Variants in PTPRF observed in about 807,000 individuals in gnomAD.
PTPRF encodes the protein receptor-type tyrosine-protein phosphatase F.
In PTPRF, 59 loss-of-function variants were observed where a neutral mutation model predicts 201.8. That is an observed-to-expected ratio of 0.29 (90% CI 0.24 to 0.36). The LOEUF is 0.36. Among genes scored for constraint, PTPRF ranks in the 10% least tolerant of loss-of-function variants. PTPRF has a pLI of 1.00. For missense variants in PTPRF, 2,132 were observed against 2,690.5 expected (o/e 0.79, Z 4.59); for synonymous variants, 1,088 against 1,089.7 (o/e 1.00, Z 0.03).
chr1:43,558,327 C>A (rs750258945), intron 5 of PTPRF, among the ~76,000 whole-genome samples: 1 of 152,148 alleles, frequency 6.6e-6, no homozygotes, highest in Non-Finnish European at 1.5e-5. Flanking sequence ...CTGCCTTTGC[C>A]TCATGTCACA....
At chr1:43,532,120 C>T (rs1045794642) in intron 1 of PTPRF, among the ~76,000 whole-genome samples, 4 of 152,158 alleles carry the variant, frequency 2.6e-5, no homozygotes, top group Non-Finnish European at 2.9e-5. Flanking sequence ...TGTCTCCCTC[C>T]TTAAGTCTCT....
rs1399827831 is a variant in PTPRF, at chr1:43,622,217, C to T, written c.*214C>T. ...AAGTGGATGGCCCAGCAGGCAGGCACTGTGGCCCTTCTGTCCACCAGACCC... is the reference window on the plus strand; with the variant it reads ...AAGTGGATGGCCCAGCAGGCAGGCATTGTGGCCCTTCTGTCCACCAGACCC... On this transcript the variant is annotated 3_prime_UTR_variant, in exon 34 of 34. Transcript: ENST00000359947. 2 of 579,386 alleles carry T rather than the reference C, an allele frequency of 3.5e-6. No individual in the cohort carries two copies. The highest frequency in any genetic ancestry group is 2.2e-5 in the South Asian group (1 of 45,900). 35.9% of individuals were successfully genotyped at this position (579,386 alleles called of 1,614,324 possible). A position where few individuals can be genotyped will look rare whatever the true frequency, so the allele number is the denominator to read the frequency against.
upstream of PTPRF, among the ~76,000 whole-genome samples, chr1:43,522,930 C>T (rs147564970): frequency 2.5e-3 from 374 of 152,204 alleles, 1 homozygote; most frequent in Middle Eastern, 0.048. Context: ...ACCCCATTTG[C>T]GGCTGCAGCG....
chr1:43,578,179 C>A (rs960961055), intron 6 of PTPRF, among the ~76,000 whole-genome samples: 8 of 152,150 alleles, frequency 5.3e-5, no homozygotes, highest in Non-Finnish European at 1.0e-4. Flanking sequence ...ATGCAGGAGC[C>A]GTGGTGGGTC....
chr1:43,552,260 C>T (rs777285190), intron 3 of PTPRF, among the ~76,000 whole-genome samples: 2 of 152,180 alleles, frequency 1.3e-5, no homozygotes, highest in Non-Finnish European at 2.9e-5. Flanking sequence ...ACCCACCACT[C>T]CACTGACTCT....
chr1:43,574,978 C>T (rs1479861369), intron 6 of PTPRF, among the ~76,000 whole-genome samples: 1 of 152,160 alleles, frequency 6.6e-6, no homozygotes, highest in East Asian at 1.9e-4. Flanking sequence ...TTCCATGAAA[C>T]GGATTGGTGT....
At chr1:43,543,415 C>T (rs1159521212) in intron 2 of PTPRF, among the ~76,000 whole-genome samples, 1 of 152,214 alleles carries the variant, frequency 6.6e-6, no homozygotes, top group Non-Finnish European at 1.5e-5. Context: ...CACCTATCAA[C>T]GTTCTTACTT....
Position 43,619,871 on chromosome 1 carries a change from G to A in PTPRF, c.5111+13G>A, listed in dbSNP as rs1557877586. On this transcript the variant is annotated intron_variant, in intron 29 of 33. Coordinates refer to ENST00000359947, the MANE Select transcript of PTPRF (RefSeq NM_002840.5). ...TGGATGGTTATAGGTCAGCATGCATGTCACTGCCCCACCATGCCCTACAGG... is the reference window on the plus strand; with the variant it reads ...TGGATGGTTATAGGTCAGCATGCATATCACTGCCCCACCATGCCCTACAGG... 6.2e-7 allele frequency: 1 copy of A among 1,612,794 alleles called. No individual in the cohort carries two copies. Among genetic ancestry groups the A allele is most frequent in the Non-Finnish European group, 8.5e-7 (1 of 1,179,274 alleles).
At chr1:43,608,241 C>G (rs551500366) in intron 21 of PTPRF, among the ~76,000 whole-genome samples, 1 of 152,200 alleles carries the variant, frequency 6.6e-6, no homozygotes, top group Non-Finnish European at 1.5e-5. Context: ...CCTGCAGGGT[C>G]CCCATGTCAT....
chr1:43,527,851 G>A (rs1482250468), upstream of PTPRF, among the ~76,000 whole-genome samples: 1 of 152,212 alleles, frequency 6.6e-6, no homozygotes, highest in East Asian at 1.9e-4. Flanking sequence ...GACTGGGGCT[G>A]GATGAGCTCT....
chr1:43,605,526 C>A lies in PTPRF; in HGVS notation c.3390-3C>A, dbSNP rs368315364. On this transcript the variant is annotated splice_region_variant and splice_polypyrimidine_tract_variant and intron_variant, in intron 18 of 33. Coordinates refer to ENST00000359947, the MANE Select transcript of PTPRF (RefSeq NM_002840.5). Reference sequence around the variant, plus strand: ...AGTCCTGATTCCTGCCCTGCCCACCCAGGTGGTTCTACATTGTTGTGGTGC... The same window carrying A: ...AGTCCTGATTCCTGCCCTGCCCACCAAGGTGGTTCTACATTGTTGTGGTGC... 1 of 1,613,992 alleles carries A rather than the reference C, an allele frequency of 6.2e-7. No homozygotes were observed. The highest frequency in any genetic ancestry group is 1.3e-5 in the African/African-American group (1 of 74,942).
At position 43,605,597 on chromosome 1, in the gene PTPRF, C is replaced by T. The variant is rs756190030; in HGVS notation, c.3458C>T (p.Thr1153Ile). Reference sequence around the variant, plus strand: ...AGCATGCTGACGCCAAGGTGGAGCACACCCGAGGAACTGGAGCTGGACGAG... The same window carrying T: ...AGCATGCTGACGCCAAGGTGGAGCATACCCGAGGAACTGGAGCTGGACGAG... ...GGSMLTPRWS[T>I]PEELELDELL... The change falls in exon 19 of 34, where the codon ACA (threonine) becomes ATA (isoleucine). Residue 1153 changes from threonine (T) to isoleucine (I), a missense_variant. Physicochemically the swap from Thr to Ile is moderately conservative, Grantham distance 89. This residue lies in a region of PTPRF where 818 missense variants were observed against 915.3 expected (regional missense o/e 0.89). Coordinates refer to ENST00000359947, the MANE Select transcript of PTPRF (RefSeq NM_002840.5). 2.5e-6 allele frequency: 4 copies of T among 1,614,140 alleles called. No individual in the cohort carries two copies. Among genetic ancestry groups the T allele is most frequent in the Non-Finnish European group, 3.4e-6 (4 of 1,180,024 alleles).
At chr1:43,581,642 C>T (rs565787333) in intron 7 of PTPRF, among the ~76,000 whole-genome samples, 4 of 152,340 alleles carry the variant, frequency 2.6e-5, no homozygotes, top group East Asian at 1.9e-4. Context: ...TCAGCCCCAG[C>T]GCCTGGGGAC....
chr1:43,589,144 C>G, intron 8 of PTPRF, 144 bp downstream of exon 8: 1 of 995,264 alleles, frequency 1.0e-6, no homozygotes, highest in Non-Finnish European at 1.4e-6. Context: ...CTGGGGTCCT[C>G]CAGCCCTTAG....
intron 13 of PTPRF, among the ~76,000 whole-genome samples, chr1:43,600,032 C>A (rs577043915): frequency 7.0e-4 from 106 of 152,306 alleles, no homozygotes; most frequent in Non-Finnish European, 1.4e-3. Flanking sequence ...CAGACAGGAG[C>A]CTTATTCCTC....
intron 3 of PTPRF, among the ~76,000 whole-genome samples, chr1:43,549,261 G>T (rs1644872567): frequency 6.6e-6 from 1 of 152,216 alleles, no homozygotes; most frequent in African/African-American, 2.4e-5. Flanking sequence ...TGTGGGTCAG[G>T]CACGGGGCAG....
chr1:43,615,438 CCCT>C (rs1439504546), intron 23 of PTPRF, among the ~76,000 whole-genome samples: 2 of 152,088 alleles, frequency 1.3e-5, no homozygotes, highest in Admixed American at 6.5e-5. Context: ...CTACCTGCTT[CCCT>C]CCTCTGATCA....
At position 43,620,722 on chromosome 1, in the gene PTPRF, C is replaced by T. The variant is rs1659016964; in HGVS notation, c.5365-116C>T. The T allele has an allele frequency of 3.9e-6, 6 of 1,522,390 alleles. No individual in the cohort carries two copies. The East Asian group carries it at 1.1e-4, about 29-fold the overall frequency. 94.3% of individuals were successfully genotyped at this position (1,522,390 alleles called of 1,614,324 possible). The stretch of plus-strand genomic sequence containing the variant: ...GGTGTGAGCACATCTCCCCCTGTGG[C>T]CTCGGGTGCAGTGACACAGATGCAT... On this transcript the variant is annotated intron_variant, in intron 31 of 33. Transcript: ENST00000359947.
chr1:43,609,321 C>G, intron 21 of PTPRF, 62 bp from the exon 22 acceptor site: 1 of 1,371,460 alleles, frequency 7.3e-7, no homozygotes, highest in Non-Finnish European at 1.0e-6. Flanking sequence ...GCCAGCCATG[C>G]CATGTGTCAC....
Sources: allele counts gnomAD v4.1 joint callset (sites outside exome capture counted in the v4.1 genomes callset), GRCh38; gene constraint gnomAD v4.1.1; regional missense constraint gnomAD v4.1.1; transcripts MANE v1.5; gene names NCBI Gene and HGNC (gene_info 2026-07-23, HGNC 2026-07-21).